LHFPL3: variants seen among roughly 807,000 people sequenced by gnomAD.
The protein encoded by LHFPL3 is LHFPL tetraspan subfamily member 3.
A neutral mutation model predicts 19.3 loss-of-function variants in LHFPL3; 5 were observed. The observed-to-expected ratio is 0.26, with a 90% CI of 0.14 to 0.54. The LOEUF is 0.54. LHFPL3 is among the 20% of genes least tolerant of loss of function. The pLI, the probability that LHFPL3 is intolerant of heterozygous loss-of-function variation, is 0.94. For missense variants in LHFPL3, 249 were observed against 307.4 expected (o/e 0.81, Z 1.42); for synonymous variants, 133 against 126.2 (o/e 1.05, Z -0.36).
chr7:104,720,687 A>C (rs1178427702), intron 1 of LHFPL3, among the ~76,000 whole-genome samples: 1 of 152,192 alleles, frequency 6.6e-6, no homozygotes, highest in Non-Finnish European at 1.5e-5. Context: ...ACTCCAAAAA[A>C]TTTACAAGAA....
intron 1 of LHFPL3, chr7:104,668,422 G>T: frequency 6.2e-7 from 1 of 1,605,704 alleles, no homozygotes; most frequent in South Asian, 1.1e-5. Flanking sequence ...GACAAGTATC[G>T]AGATCGTTAT....
rs140886854 is a variant in LHFPL3, at chr7:104,900,217, C to A, written c.683-5970C>A. The stretch of plus-strand genomic sequence containing the variant: ...GGATTTATAAATCAGCAGCAACATT[C>A]TATTTTCAATGTGCCTGGGTAAGGC... On this transcript the variant is annotated intron_variant, in intron 2 of 2. Transcript: ENST00000424859. 4.0e-3 allele frequency among the ~76,000 whole-genome samples: 602 copies of A among 152,316 alleles called. 9 individuals carry two copies. Among genetic ancestry groups the A allele is most frequent in the African/African-American group, 0.014 (568 of 41,564 alleles).
intron 1 of LHFPL3, among the ~76,000 whole-genome samples, chr7:104,514,640 C>T (rs190635205): frequency 6.6e-6 from 1 of 152,294 alleles, no homozygotes. Context: ...TCACAAGTCT[C>T]AGGGAGCTGG....
chr7:104,896,347 T>C (rs1792360788), intron 2 of LHFPL3, among the ~76,000 whole-genome samples: 1 of 152,182 alleles, frequency 6.6e-6, no homozygotes, highest in African/African-American at 2.4e-5. Context: ...CACCTGAACA[T>C]GCCCAATCTT....
At chr7:104,625,527 C>G (rs1227796548) in intron 1 of LHFPL3, among the ~76,000 whole-genome samples, 1 of 152,158 alleles carries the variant, frequency 6.6e-6, no homozygotes, top group Admixed American at 6.5e-5. Flanking sequence ...CAGAGTGTCT[C>G]ACATGCCTCC....
At chr7:104,765,044 A>G (rs1317423253) in intron 2 of LHFPL3, among the ~76,000 whole-genome samples, 1 of 152,258 alleles carries the variant, frequency 6.6e-6, no homozygotes, top group Non-Finnish European at 1.5e-5. Context: ...TTAGGACATC[A>G]GATCTGATAC....
intron 1 of LHFPL3, among the ~76,000 whole-genome samples, chr7:104,721,696 CCA>C (rs1011864447): frequency 5.3e-5 from 8 of 152,124 alleles, no homozygotes; most frequent in African/African-American, 1.9e-4. Flanking sequence ...GTAACTCATT[CCA>C]CTGCCATGGA....
intron 1 of LHFPL3, among the ~76,000 whole-genome samples, chr7:104,368,574 T>C (rs1584271481): frequency 6.6e-6 from 1 of 152,288 alleles, no homozygotes; most frequent in East Asian, 1.9e-4. Context: ...CTCTACCTAA[T>C]CTTTCCTTTC....
intron 1 of LHFPL3, among the ~76,000 whole-genome samples, chr7:104,617,244 A>C (rs1791364313): frequency 6.6e-6 from 1 of 152,184 alleles, no homozygotes; most frequent in African/African-American, 2.4e-5. Context: ...TATGAAGCCC[A>C]GTGAAATAGA....
At chr7:104,896,509 C>T (rs1792363752) in intron 2 of LHFPL3, among the ~76,000 whole-genome samples, 1 of 152,166 alleles carries the variant, frequency 6.6e-6, no homozygotes, top group African/African-American at 2.4e-5. Flanking sequence ...AAGAACAGTT[C>T]AGGAAGTGGC....
rs531306890 is a variant in LHFPL3 at position 104,386,548 on chromosome 7, G to A, written c.445+57324G>A. ...AAGTCACGTGTGTATTCAAGGCTGT[G>A]ATCTTGCCCAGGAGACACCAGAAAA... On this transcript the variant is annotated intron_variant, in intron 1 of 2. Transcript: ENST00000424859. 4.4e-4 allele frequency among the ~76,000 whole-genome samples: 67 copies of A among 152,310 alleles called. 1 individual carries two copies. The South Asian group carries it at 0.013, about 29-fold the overall frequency.
At chr7:104,359,990 C>T (rs143783029) in intron 1 of LHFPL3, among the ~76,000 whole-genome samples, 1 of 152,328 alleles carries the variant, frequency 6.6e-6, no homozygotes, top group African/African-American at 2.4e-5. Context: ...GTAACTTACC[C>T]AAAGTCACAC....
At chr7:104,356,916 A>G (rs534609180) in intron 1 of LHFPL3, among the ~76,000 whole-genome samples, 4 of 152,330 alleles carry the variant, frequency 2.6e-5, no homozygotes, top group African/African-American at 9.6e-5. Context: ...GCTAGCGAGC[A>G]CTGCTGCCTG....
intron 1 of LHFPL3, among the ~76,000 whole-genome samples, chr7:104,340,193 AT>A (rs34262556): frequency 1.3e-5 from 2 of 152,020 alleles, no homozygotes; most frequent in East Asian, 1.9e-4. Flanking sequence ...TCTATTCCAG[AT>A]TTTTTTTAAA....
chr7:104,860,289 T>C (rs1791595560), intron 2 of LHFPL3, among the ~76,000 whole-genome samples: 1 of 152,142 alleles, frequency 6.6e-6, no homozygotes, highest in South Asian at 2.1e-4. Context: ...GCAGGGTTGA[T>C]TATGAAATAA....
chr7:104,787,619 C>T (rs67775507), intron 2 of LHFPL3, among the ~76,000 whole-genome samples: 28,951 of 152,096 alleles, frequency 0.19, 3,753 homozygotes, highest in East Asian at 0.72. Context: ...GGCACAATCA[C>T]AGTTCACTGC....
chr7:104,755,750 C>T (rs1277812473), intron 2 of LHFPL3, among the ~76,000 whole-genome samples: 3 of 152,188 alleles, frequency 2.0e-5, no homozygotes, highest in Non-Finnish European at 2.9e-5. Flanking sequence ...GGCTGGAGTG[C>T]AATGGCACAA....
intron 1 of LHFPL3, among the ~76,000 whole-genome samples, chr7:104,429,759 G>T (rs1268387604): frequency 6.6e-6 from 1 of 152,112 alleles, no homozygotes; most frequent in African/African-American, 2.4e-5. Flanking sequence ...GAGTTGTTTT[G>T]AAGTTTAAAT....
intron 1 of LHFPL3, among the ~76,000 whole-genome samples, chr7:104,729,757 T>A (rs1017344921): frequency 3.3e-5 from 5 of 152,136 alleles, no homozygotes; most frequent in African/African-American, 9.7e-5. Context: ...TATATATTTT[T>A]TATTATACTT....
Sources: gnomAD v4.1 joint callset for allele counts (sites outside exome capture counted in the v4.1 genomes callset) on GRCh38, gnomAD v4.1.1 for gene constraint, MANE v1.5 for transcripts, NCBI Gene and HGNC (gene_info 2026-07-23, HGNC 2026-07-21) for gene names.